Variants in TENM4 observed in about 807,000 individuals in gnomAD.
TENM4 encodes teneurin-4.
In TENM4, 82 loss-of-function variants were observed where a neutral mutation model predicts 243.3. That is an observed-to-expected ratio of 0.34 (90% CI 0.28 to 0.40). The LOEUF is 0.40. Among genes scored for constraint, TENM4 ranks in the 10% least tolerant of loss-of-function variants. The pLI is 1.00. For missense variants in TENM4, 3,138 were observed against 3,673.3 expected (o/e 0.85, Z 3.77); for synonymous variants, 1,412 against 1,456.3 (o/e 0.97, Z 0.69).
chr11:78,908,372 A>G (rs1856110282), intron 6 of TENM4, among the ~76,000 whole-genome samples: 1 of 152,230 alleles, frequency 6.6e-6, no homozygotes. Context: ...CCATGCTTGG[A>G]ATATAGGAAT....
intron 1 of TENM4, among the ~76,000 whole-genome samples, chr11:79,361,383 T>C (rs1857586722): frequency 6.6e-6 from 1 of 152,218 alleles, no homozygotes; most frequent in Non-Finnish European, 1.5e-5. Flanking sequence ...AGATAATTAT[T>C]TTTTAAGTAT....
At chr11:79,054,157 A>T (rs1364468730) in intron 6 of TENM4, among the ~76,000 whole-genome samples, 1 of 151,904 alleles carries the variant, frequency 6.6e-6, no homozygotes, top group Non-Finnish European at 1.5e-5. Context: ...GCCCATAGTT[A>T]CTCTACGGCT....
intron 18 of TENM4, among the ~76,000 whole-genome samples, chr11:78,769,819 G>C (rs1467837976): frequency 6.6e-6 from 1 of 152,230 alleles, no homozygotes; most frequent in Non-Finnish European, 1.5e-5. Flanking sequence ...TCAAAGAACA[G>C]TGCTCCGAAA....
intron 18 of TENM4, among the ~76,000 whole-genome samples, chr11:78,764,540 G>C (rs551646345): frequency 5.3e-5 from 8 of 152,324 alleles, no homozygotes; most frequent in Non-Finnish European, 8.8e-5. Flanking sequence ...ATTTTTTTAT[G>C]TAAGAATCTC....
rs553749577 is a variant in TENM4 at position 79,024,819 on chromosome 11, A to G, written c.493+39919T>C. The stretch of plus-strand genomic sequence containing the variant: ...GAATACTATCCTCATTTTCTACAGA[A>G]GGAAATGAGGGCTCAGAGGAGCCAA... On this transcript the variant is annotated intron_variant, in intron 6 of 33. Transcript: ENST00000278550. 3.3e-5 allele frequency among the ~76,000 whole-genome samples: 5 copies of G among 152,368 alleles called. No individual in the cohort carries two copies. The East Asian group carries it at 9.7e-4, about 29-fold the overall frequency.
At chr11:79,374,760 G>A (rs927404960) in intron 1 of TENM4, among the ~76,000 whole-genome samples, 3 of 152,174 alleles carry the variant, frequency 2.0e-5, no homozygotes, top group South Asian at 2.1e-4. Context: ...ATGATAATGG[G>A]TTAATTTCTA....
intron 4 of TENM4, among the ~76,000 whole-genome samples, chr11:79,144,593 C>A (rs1182697577): frequency 6.6e-6 from 1 of 151,986 alleles, no homozygotes; most frequent in East Asian, 1.9e-4. Flanking sequence ...GAGTAATATT[C>A]AGCCATAAAA....
chr11:79,294,028 G>C (rs1362261016), intron 2 of TENM4, among the ~76,000 whole-genome samples: 1 of 152,204 alleles, frequency 6.6e-6, no homozygotes, highest in Non-Finnish European at 1.5e-5. Context: ...GCCTTCAGGG[G>C]CTCACAGTAG....
At chr11:78,866,490 G>A (rs768182985) in intron 9 of TENM4, among the ~76,000 whole-genome samples, 38 of 151,274 alleles carry the variant, frequency 2.5e-4, no homozygotes, top group Non-Finnish European at 4.9e-4. Context: ...TACGTTGTGG[G>A]TAGGGGTGGG....
chr11:79,288,112 C>T (rs1565284515), intron 2 of TENM4, among the ~76,000 whole-genome samples: 1 of 152,216 alleles, frequency 6.6e-6, no homozygotes. Flanking sequence ...GCATTCAGCA[C>T]AGAAACCCAG....
chr11:78,858,321 A>T (rs774259071), intron 10 of TENM4, among the ~76,000 whole-genome samples: 3 of 151,858 alleles, frequency 2.0e-5, no homozygotes, highest in Non-Finnish European at 4.4e-5. Flanking sequence ...TATTTCACCT[A>T]GATGGGCTGG....
intron 6 of TENM4, chr11:78,962,291 G>A (rs527997323): frequency 2.0e-3 from 265 of 135,784 alleles, no homozygotes; most frequent in Admixed American, 5.6e-3. Flanking sequence ...GAGGGGAGGG[G>A]GGCGGGGAGG....
At chr11:79,077,507 T>A (rs554664236) in intron 4 of TENM4, among the ~76,000 whole-genome samples, 123 of 152,310 alleles carry the variant, frequency 8.1e-4, no homozygotes, top group Middle Eastern at 6.8e-3. Context: ...CATCTACAAT[T>A]TTTTTAACTA....
chr11:79,299,097 C>A (rs1347688470), intron 1 of TENM4, among the ~76,000 whole-genome samples: 1 of 151,988 alleles, frequency 6.6e-6, no homozygotes, highest in Non-Finnish European at 1.5e-5. Flanking sequence ...TACACACACA[C>A]ATACATACAC....
chr11:78,932,893 C>T (rs1856699430), intron 6 of TENM4, among the ~76,000 whole-genome samples: 2 of 152,192 alleles, frequency 1.3e-5, no homozygotes, highest in Non-Finnish European at 2.9e-5. Flanking sequence ...CTCCTGTCAT[C>T]TCCTGCTGTG....
chr11:78,960,777 A>T (rs777475292), intron 6 of TENM4, among the ~76,000 whole-genome samples: 23 of 152,168 alleles, frequency 1.5e-4, no homozygotes, highest in Non-Finnish European at 3.1e-4. Context: ...GGCTATAATG[A>T]TGTACTCCCA....
chr11:78,839,287 T>C (rs1858196448), intron 12 of TENM4, among the ~76,000 whole-genome samples: 1 of 152,202 alleles, frequency 6.6e-6, no homozygotes, highest in Non-Finnish European at 1.5e-5. Context: ...TCTAGGAACA[T>C]GTTATAGTTC....
intron 6 of TENM4, among the ~76,000 whole-genome samples, chr11:79,046,267 T>C (rs1859655351): frequency 1.3e-5 from 2 of 152,088 alleles, no homozygotes; most frequent in South Asian, 2.1e-4. Flanking sequence ...GGGCCCAGCA[T>C]GGAGAGTGGC....
chr11:79,030,662 A>G (rs972337021), intron 6 of TENM4, among the ~76,000 whole-genome samples: 6 of 152,048 alleles, frequency 3.9e-5, no homozygotes, highest in Non-Finnish European at 7.4e-5. Context: ...CTCTTGGTGG[A>G]TGATTTATGG....
Sources: gnomAD v4.1 joint callset for allele counts (sites outside exome capture counted in the v4.1 genomes callset) on GRCh38, gnomAD v4.1.1 for gene constraint, MANE v1.5 for transcripts, NCBI Gene and HGNC (gene_info 2026-07-23, HGNC 2026-07-21) for gene names.